The following NAV2 variants were observed in gnomAD, a reference collection of about 807,000 sequenced individuals.
NAV2 encodes neuron navigator 2, also known as helicase, APC down-regulated 1.
A neutral mutation model predicts 223.2 loss-of-function variants in NAV2; 54 were observed. That is an observed-to-expected ratio of 0.24 (90% CI 0.19 to 0.30). The LOEUF (loss-of-function observed/expected upper bound fraction) is 0.30. Among genes scored for constraint, NAV2 ranks in the 10% least tolerant of loss-of-function variants. NAV2 has a pLI of 1.00. For synonymous variants in NAV2, 1,279 were observed against 1,239.3 expected (o/e 1.03, Z -0.67); for missense variants, 2,806 against 3,147.5 (o/e 0.89, Z 2.60).
Position 19,851,248 on chromosome 11 carries a change from G to A in NAV2, c.438+8325G>A, listed in dbSNP as rs1458804345. Among the ~76,000 whole-genome samples the A allele has an allele frequency of 4.6e-5, 7 of 152,096 alleles. No individual in the cohort carries two copies. In the East Asian group the frequency reaches 7.7e-4, roughly 17 times the overall value. ...GGTTTGTTTGCTGGAAGCCTGGCTC[G>A]AGAGTCTACTCCCTTAACTGTTTTG... is the stretch of plus-strand genomic sequence containing the variant. On this transcript the variant is annotated intron_variant, in intron 3 of 37. Transcript: ENST00000349880.
In NAV2 at chr11:19,528,876, G is replaced by A. The variant is rs1434957261; in HGVS notation, c.75+177849G>A. On this transcript the variant is annotated intron_variant, in intron 1 of 37. Coordinates refer to the NAV2 transcript ENST00000360655. The stretch of plus-strand genomic sequence containing the variant: ...ACTCGGGAGGTGGAGTTTGCAGTTA[G>A]CTGAGATCATGCCACTGCACTCCAG... 2.2e-5 allele frequency among the ~76,000 whole-genome samples: 3 copies of A among 139,026 alleles called. No homozygotes were observed. In the East Asian group the frequency reaches 6.4e-4, roughly 30 times the overall value. The allele number at this position is 139,026 out of a possible 152,430, so 91.2% of individuals were successfully genotyped here.
At chr11:19,993,015 G>T (rs1340722380) in intron 11 of NAV2, among the ~76,000 whole-genome samples, 1 of 152,120 alleles carries the variant, frequency 6.6e-6, no homozygotes, top group Non-Finnish European at 1.5e-5. Flanking sequence ...AGAATAAGAG[G>T]CCAAAGAGAA....
At chr11:19,824,326 T>C (rs1365146404) in intron 1 of NAV2, among the ~76,000 whole-genome samples, 2 of 152,224 alleles carry the variant, frequency 1.3e-5, no homozygotes, top group Admixed American at 6.5e-5. Flanking sequence ...CTTGCCTTTA[T>C]GATTTTGTGG....
intron 6 of NAV2, among the ~76,000 whole-genome samples, chr11:19,907,529 G>C (rs1035318725): frequency 2.6e-5 from 4 of 151,336 alleles, no homozygotes; most frequent in African/African-American, 9.7e-5. Context: ...ACTCATAGGG[G>C]GAGGGGGAAT....
At chr11:19,776,911 G>A (rs1222231604) in intron 1 of NAV2, among the ~76,000 whole-genome samples, 1 of 151,856 alleles carries the variant, frequency 6.6e-6, no homozygotes, top group Non-Finnish European at 1.5e-5. Flanking sequence ...CCCATCTTCT[G>A]CCCAAGGCTC....
At chr11:19,916,409 G>A (rs2043810131) in intron 6 of NAV2, among the ~76,000 whole-genome samples, 1 of 152,182 alleles carries the variant, frequency 6.6e-6, no homozygotes, top group African/African-American at 2.4e-5. Flanking sequence ...AAATCAGTAT[G>A]CATTAATACA....
At chr11:19,878,285 C>A (rs2062981930) in intron 4 of NAV2, among the ~76,000 whole-genome samples, 1 of 152,186 alleles carries the variant, frequency 6.6e-6, no homozygotes, top group African/African-American at 2.4e-5. Context: ...GAAGCTGGAG[C>A]TGTATGAGAA....
chr11:19,555,288 G>A (rs1304467057), intron 1 of NAV2, among the ~76,000 whole-genome samples: 1 of 152,216 alleles, frequency 6.6e-6, no homozygotes, highest in African/African-American at 2.4e-5. Flanking sequence ...GCTGGGAAGA[G>A]CTGCAGAGTG....
intron 1 of NAV2, among the ~76,000 whole-genome samples, chr11:19,363,823 A>C (rs2133809071): frequency 6.6e-6 from 1 of 152,324 alleles, no homozygotes; most frequent in Non-Finnish European, 1.5e-5. Context: ...TCAAGAAAAC[A>C]GTTTGCTTAT....
intron 6 of NAV2, among the ~76,000 whole-genome samples, chr11:19,931,017 G>A (rs1437807598): frequency 2.0e-5 from 3 of 152,194 alleles, no homozygotes; most frequent in Admixed American, 2.0e-4. Flanking sequence ...CATGTCAGGA[G>A]ACCTGAGTTC....
At chr11:19,786,634 G>A (rs2152704161) in intron 1 of NAV2, among the ~76,000 whole-genome samples, 1 of 152,332 alleles carries the variant, frequency 6.6e-6, no homozygotes, top group South Asian at 2.1e-4. Flanking sequence ...CTGTGGGAGA[G>A]TGACTTGGGT....
At chr11:19,412,700 CT>C (rs1183460944) in intron 1 of NAV2, among the ~76,000 whole-genome samples, 2 of 152,194 alleles carry the variant, frequency 1.3e-5, no homozygotes, top group African/African-American at 4.8e-5. Flanking sequence ...GCGAGTGCCC[CT>C]CTCTGATGAA....
chr11:19,670,102 C>T (rs746521991), intron 1 of NAV2, among the ~76,000 whole-genome samples: 1 of 152,194 alleles, frequency 6.6e-6, no homozygotes, highest in Non-Finnish European at 1.5e-5. Flanking sequence ...CCTCTCTGAG[C>T]CTCAGTCCCT....
At chr11:19,510,972 T>C (rs551413240) in intron 1 of NAV2, 1 of 152,340 alleles carries the variant, frequency 6.6e-6, no homozygotes, top group East Asian at 1.9e-4. Context: ...AGCTTCGTGA[T>C]GTACAATGTG....
chr11:19,756,241 G>C (rs558178656), intron 1 of NAV2, among the ~76,000 whole-genome samples: 2 of 152,060 alleles, frequency 1.3e-5, no homozygotes, highest in East Asian at 3.9e-4. Flanking sequence ...TCATTCTAAG[G>C]GTATGCTTAA....
intron 1 of NAV2, among the ~76,000 whole-genome samples, chr11:19,750,080 G>C (rs1325378770): frequency 6.6e-6 from 1 of 152,152 alleles, no homozygotes. Context: ...ATAAAGTTCG[G>C]CATTACTTGA....
At chr11:19,976,225 C>T (rs2049732265) in intron 10 of NAV2, among the ~76,000 whole-genome samples, 1 of 152,036 alleles carries the variant, frequency 6.6e-6, no homozygotes, top group African/African-American at 2.4e-5. Flanking sequence ...AATGTTGAGT[C>T]TGATTTAGAA....
At chr11:19,579,190 T>A (rs1332414690) in intron 1 of NAV2, among the ~76,000 whole-genome samples, 1 of 152,234 alleles carries the variant, frequency 6.6e-6, no homozygotes, top group Non-Finnish European at 1.5e-5. Context: ...CGTGTGGCCT[T>A]GGGAAAGTTT....
At chr11:19,476,981 T>A (rs1329447671) in intron 1 of NAV2, among the ~76,000 whole-genome samples, 1 of 152,064 alleles carries the variant, frequency 6.6e-6, no homozygotes, top group Non-Finnish European at 1.5e-5. Flanking sequence ...AGGTGTCAGG[T>A]GGGAGGCTTA....
Sources: allele counts gnomAD v4.1 joint callset (sites outside exome capture counted in the v4.1 genomes callset), GRCh38; gene constraint gnomAD v4.1.1; transcripts MANE v1.5; gene names NCBI Gene and HGNC (gene_info 2026-07-23, HGNC 2026-07-21).